Variants in TSEN2 observed in about 807,000 individuals in gnomAD.
TSEN2 encodes tRNA-splicing endonuclease subunit Sen2.
In TSEN2, 54 loss-of-function variants were observed where a neutral mutation model predicts 59.2. The ratio of observed to expected loss-of-function variants is 0.91; its 90% CI spans 0.73 to 1.14. The LOEUF (loss-of-function observed/expected upper bound fraction) is 1.14, where lower values mean the gene tolerates loss of function less well. TSEN2 is among the 50% of genes most tolerant of loss of function. The pLI, the probability that TSEN2 is intolerant of heterozygous loss-of-function variation, is 0.00. For missense variants in TSEN2, 636 were observed against 576.2 expected (o/e 1.10, Z -1.06); for synonymous variants, 195 against 198.2 (o/e 0.98, Z 0.14).
In TSEN2 at chr3:12,530,225, CAT is replaced by C. The variant is rs36050093; in HGVS notation, c.1248+355_1248+356del. 14,541 of 1,055,506 alleles carry C rather than the reference CAT, an allele frequency of 0.014. 173 individuals are homozygous for C. The highest frequency in any genetic ancestry group is 0.055 in the South Asian group (1,377 of 24,830). The allele number at this position is 1,055,506 out of a possible 1,614,324, so 65.4% of individuals were successfully genotyped here. On this transcript the variant is annotated intron_variant, in intron 10 of 11. Coordinates refer to ENST00000284995, the MANE Select transcript of TSEN2 (RefSeq NM_025265.4). ...CTGCAATTTAACATTCACTCATACA[CAT>C]ATTCACAAAGGAGTCAAAACATTGA... is the stretch of plus-strand genomic sequence containing the variant.
chr3:12,504,604 G>A (rs916331916), intron 5 of TSEN2, among the ~76,000 whole-genome samples: 3 of 152,018 alleles, frequency 2.0e-5, no homozygotes, highest in Admixed American at 6.6e-5. Flanking sequence ...AAAGCAACAC[G>A]TAAAATAAAA....
intron 6 of TSEN2, among the ~76,000 whole-genome samples, chr3:12,508,474 G>GT (rs1331234046): frequency 1.3e-5 from 2 of 152,164 alleles, no homozygotes; most frequent in Non-Finnish European, 2.9e-5. Context: ...CCCGCGGAGT[G>GT]TTTCTGTGAA....
At chr3:12,505,543 C>G in intron 6 of TSEN2, 1 of 303,236 alleles carries the variant, frequency 3.3e-6, no homozygotes, top group Non-Finnish European at 6.4e-6. Context: ...GATCCCAGCA[C>G]TTTGGGAGGC....
At chr3:12,489,633 C>G (rs954521903) in intron 1 of TSEN2, 151 bp from the exon 2 acceptor site, 1 of 669,732 alleles carries the variant, frequency 1.5e-6, no homozygotes, top group African/African-American at 1.8e-5. Flanking sequence ...ACAAACTGTT[C>G]TTACTGCTTT....
chr3:12,522,825 A>C (rs1430276149), intron 8 of TSEN2, among the ~76,000 whole-genome samples: 9 of 152,160 alleles, frequency 5.9e-5, no homozygotes, highest in Non-Finnish European at 1.2e-4. Flanking sequence ...CTGCCAACCT[A>C]GTTGACCTTA....
rs181750311 is a variant in TSEN2, at chr3:12,515,610, A to C, written c.910-1001A>C. On this transcript the variant is annotated intron_variant, in intron 6 of 11. Transcript: ENST00000284995. ...GCCCTGGACAGGCAAAGCCAACAACACATGGCTCTTTGGGTGGTGTCAGTG... is the reference window on the plus strand; with the variant it reads ...GCCCTGGACAGGCAAAGCCAACAACCCATGGCTCTTTGGGTGGTGTCAGTG... 7.0e-4 allele frequency among the ~76,000 whole-genome samples: 107 copies of C among 152,338 alleles called. 1 individual carries two copies. Among genetic ancestry groups the C allele is most frequent in the African/African-American group, 2.5e-3 (102 of 41,582 alleles).
intron 2 of TSEN2, among the ~76,000 whole-genome samples, chr3:12,491,325 G>A (rs2053191731): frequency 6.6e-6 from 1 of 152,120 alleles, no homozygotes; most frequent in African/African-American, 2.4e-5. Context: ...AATGGAGAAA[G>A]GGGTGTTTGT....
At chr3:12,528,970 G>A (rs749463267) in intron 9 of TSEN2, 46 bp downstream of exon 9, 1 of 1,605,932 alleles carries the variant, frequency 6.2e-7, no homozygotes, top group Non-Finnish European at 8.5e-7. Flanking sequence ...AGGGACACAA[G>A]GAATTTCTGG....
At chr3:12,509,894 A>G (rs2055249625) in intron 6 of TSEN2, among the ~76,000 whole-genome samples, 1 of 152,226 alleles carries the variant, frequency 6.6e-6, no homozygotes, top group Non-Finnish European at 1.5e-5. Context: ...TAGAAAATTC[A>G]GATGCCGAAG....
chr3:12,528,826 G>A, intron 8 of TSEN2, 62 bp from the exon 9 acceptor site: 1 of 1,575,584 alleles, frequency 6.3e-7, no homozygotes, highest in South Asian at 1.1e-5. Context: ...TTTTTGTTGA[G>A]TCTTACTCCT....
upstream of TSEN2, among the ~76,000 whole-genome samples, chr3:12,483,490 C>T (rs1277687490): frequency 6.6e-6 from 1 of 152,162 alleles, no homozygotes; most frequent in Non-Finnish European, 1.5e-5. Context: ...CAAGAAGTCT[C>T]CTGGAAGAGG....
intron 6 of TSEN2, among the ~76,000 whole-genome samples, chr3:12,513,100 A>G (rs535113029): frequency 6.6e-6 from 1 of 152,358 alleles, no homozygotes; most frequent in East Asian, 1.9e-4. Context: ...CATCTGTAGT[A>G]AGTGCCTAGT....
intron 8 of TSEN2, among the ~76,000 whole-genome samples, chr3:12,527,487 T>C (rs530380545): frequency 4.8e-4 from 72 of 149,044 alleles, no homozygotes; most frequent in African/African-American, 1.7e-3. Flanking sequence ...GGAGTCTCGC[T>C]CTGTCGCCCA....
intron 6 of TSEN2, among the ~76,000 whole-genome samples, chr3:12,508,156 G>T (rs750318568): frequency 6.6e-6 from 1 of 152,184 alleles, no homozygotes; most frequent in African/African-American, 2.4e-5. Flanking sequence ...AGGGTATTCC[G>T]TGTCAGATGC....
chr3:12,484,253 T>A (rs2052349645), upstream of TSEN2, among the ~76,000 whole-genome samples: 1 of 152,232 alleles, frequency 6.6e-6, no homozygotes, highest in Non-Finnish European at 1.5e-5. Context: ...GTAAAATGCG[T>A]CTTGCAGGAT....
chr3:12,503,728 C>T lies in TSEN2; in HGVS notation c.775C>T (p.Leu259=). 6.8e-6 allele frequency: 11 copies of T among 1,614,040 alleles called. No homozygotes were observed. The highest frequency in any genetic ancestry group is 8.5e-6 in the Non-Finnish European group (10 of 1,179,966). The change falls in exon 5 of 12, where the codon CTG becomes TTG. Residue 259 remains leucine (L), a synonymous_variant. Coordinates refer to ENST00000284995, the MANE Select transcript of TSEN2 (RefSeq NM_025265.4). ...CAGAGGGCCTGACCATGAGTACGTG[C>T]TGGTCGAGGAAGCGGAGTGTGCCAT... ...GDRGPDHEYV[L]VEEAECAMSE...
At chr3:12,507,538 A>G (rs1050327685) in intron 6 of TSEN2, among the ~76,000 whole-genome samples, 1 of 152,254 alleles carries the variant, frequency 6.6e-6, no homozygotes, top group Non-Finnish European at 1.5e-5. Context: ...TGTCATTATT[A>G]AGTTACTTGT....
chr3:12,508,025 C>T (rs370443762), intron 6 of TSEN2, among the ~76,000 whole-genome samples: 3 of 152,216 alleles, frequency 2.0e-5, no homozygotes, highest in East Asian at 3.9e-4. Context: ...CAGGGTCTGG[C>T]CTGGTCCTGG....
rs755218991 is a variant in TSEN2, at chr3:12,505,178, T to G, written c.856T>G (p.Cys286Gly). Residue 286 changes from cysteine to glycine, a missense_variant, in exon 6 of 12, where the codon TGC (cysteine) becomes GGC (glycine). Transcript: ENST00000284995. ...EELVQRNRLI[C>G]RRNPYRIFEY... Reference sequence around the variant, plus strand: ...GTTGGTGCAAAGAAACAGGTTAATATGCAGAAGAAATCCATATAGGATCTT... The same window carrying G: ...GTTGGTGCAAAGAAACAGGTTAATAGGCAGAAGAAATCCATATAGGATCTT... The G allele has an allele frequency of 1.2e-6, 2 of 1,611,452 alleles. No individual in the cohort carries two copies. The highest frequency in any genetic ancestry group is 2.2e-5 in the East Asian group (1 of 44,856).
Sources: gnomAD v4.1 joint callset for allele counts (sites outside exome capture counted in the v4.1 genomes callset) on GRCh38, gnomAD v4.1.1 for gene constraint, MANE v1.5 for transcripts, NCBI Gene and HGNC (gene_info 2026-07-23, HGNC 2026-07-21) for gene names.